Variants in POTEJ observed in about 807,000 individuals in gnomAD.
The protein encoded by POTEJ is POTE ankyrin domain family, member J.
POTEJ carries 11 observed loss-of-function variants against 69.0 expected under a neutral mutation model. The ratio of observed to expected loss-of-function variants is 0.16; its 90% confidence interval spans 0.10 to 0.26. POTEJ has a LOEUF of 0.26. Among genes scored for constraint, POTEJ ranks in the 10% least tolerant of loss-of-function variants. POTEJ has a pLI of 1.00. For synonymous variants in POTEJ, 117 were observed against 381.1 expected (o/e 0.31, Z 8.07); for missense variants, 327 against 1,045.5 (o/e 0.31, Z 9.48).
intron 10 of POTEJ, among the ~76,000 whole-genome samples, chr2:130,639,314 G>T (rs1394385797): frequency 6.6e-6 from 1 of 152,308 alleles, no homozygotes; most frequent in African/African-American, 2.4e-5. Context: ...AAAGAACAGT[G>T]AAGCACAGGT....
At chr2:130,632,797 A>G (rs1202814095) in intron 9 of POTEJ, 141 bp downstream of exon 9, 16 of 1,282,088 alleles carry the variant, frequency 1.2e-5, no homozygotes, top group Non-Finnish European at 1.7e-5. Flanking sequence ...AATGAAAATC[A>G]GCGAACAATG....
intron 13 of POTEJ, among the ~76,000 whole-genome samples, chr2:130,648,798 T>G (rs1433395769): frequency 9.1e-6 from 1 of 110,414 alleles, no homozygotes; most frequent in African/African-American, 4.4e-5. Flanking sequence ...TTTTTTTTTT[T>G]TTTTTTTTTT....
intron 9 of POTEJ, among the ~76,000 whole-genome samples, chr2:130,637,104 C>T (rs1434126004): frequency 6.7e-6 from 1 of 149,412 alleles, no homozygotes; most frequent in East Asian, 1.9e-4. Context: ...ACAAGTTTGA[C>T]ATGGTTCTTT....
chr2:130,647,907 A>G (rs1686648762), intron 13 of POTEJ, among the ~76,000 whole-genome samples: 3 of 145,434 alleles, frequency 2.1e-5, no homozygotes, highest in Non-Finnish European at 3.0e-5. Context: ...CCCTTTGAGA[A>G]AAGGATATAT....
In POTEJ at chr2:130,636,763, C is replaced by A. The variant is rs1686107306; in HGVS notation, c.1299-1856C>A. Reference sequence around the variant, plus strand: ...TGTTAAATAAGTGAATGGAGTTTATCCTGTGTATATTGTTTGATTGATTCT... The same window carrying A: ...TGTTAAATAAGTGAATGGAGTTTATACTGTGTATATTGTTTGATTGATTCT... On this transcript the variant is annotated intron_variant, in intron 9 of 14. Coordinates refer to ENST00000409602, the MANE Select transcript of POTEJ (RefSeq NM_001277083.2). Among the ~76,000 whole-genome samples, 2 of 147,844 alleles carry A rather than the reference C, an allele frequency of 1.4e-5. 1 individual carries two copies. The highest frequency in any genetic ancestry group is 3.0e-5 in the Non-Finnish European group (2 of 65,832).
chr2:130,625,809 T>A (rs1194248628), intron 6 of POTEJ, among the ~76,000 whole-genome samples: 1 of 137,308 alleles, frequency 7.3e-6, no homozygotes, highest in African/African-American at 3.0e-5. Context: ...TATGATATAC[T>A]TTTTAATACT....
rs1451491201 is a variant in POTEJ, at chr2:130,657,274, C to T, written c.2514C>T (p.Thr838=). The T allele has an allele frequency of 1.9e-6, 3 of 1,578,256 alleles. No individual in the cohort carries two copies. The highest frequency in any genetic ancestry group is 2.6e-6 in the Non-Finnish European group (3 of 1,155,654). Residue 838 remains threonine, a synonymous_variant, in exon 15 of 15, where the codon ACC becomes ACT. Transcript: ENST00000409602. ...ATGGGAATGCCCTCCCCCATGCCAC[C>T]CTGCGCCTAGACCTGGCTGGGCGGG... ...IYDGNALPHA[T]LRLDLAGREL...
chr2:130,637,001 C>G (rs1398027296), intron 9 of POTEJ, among the ~76,000 whole-genome samples: 1 of 146,670 alleles, frequency 6.8e-6, no homozygotes, highest in East Asian at 1.9e-4. Flanking sequence ...ATGGCATGAA[C>G]CCGGGAGGCG....
chr2:130,611,670 T>C lies in POTEJ; in HGVS notation c.138T>C (p.Ser46=), dbSNP rs1400654803. The C allele has an allele frequency of 7.6e-7, 1 of 1,313,338 alleles. No individual in the cohort carries two copies. The allele number at this position is 1,313,338 out of a possible 1,614,324, so 81.4% of individuals were successfully genotyped here. ...RGSGKSNVGT[S]GDQDDSTMKT... ...GCGGCAAGAGCAACGTGGGCACTTCTGGAGACCAGGACGACTCCACTATGA... is the reference window on the plus strand; with the variant it reads ...GCGGCAAGAGCAACGTGGGCACTTCCGGAGACCAGGACGACTCCACTATGA... Residue 46 remains serine (S), a synonymous_variant, in exon 1 of 15, where the codon TCT becomes TCC. Coordinates refer to ENST00000409602, the MANE Select transcript of POTEJ (RefSeq NM_001277083.2).
chr2:130,640,986 G>A (rs1423358173), intron 10 of POTEJ, among the ~76,000 whole-genome samples: 1 of 151,834 alleles, frequency 6.6e-6, no homozygotes, highest in African/African-American at 2.4e-5. Context: ...TGTAAAATGG[G>A]TTAGCAGGCT....
intron 6 of POTEJ, among the ~76,000 whole-genome samples, chr2:130,629,134 T>C (rs1573978619): frequency 2.0e-5 from 3 of 151,908 alleles, no homozygotes; most frequent in South Asian, 4.1e-4. Context: ...ATTTTTGAAA[T>C]CATTTGTAAG....
intron 3 of POTEJ, among the ~76,000 whole-genome samples, chr2:130,618,901 G>GT (rs1252618813): frequency 1.3e-4 from 16 of 124,626 alleles, no homozygotes; most frequent in African/African-American, 2.8e-4. Flanking sequence ...TCCAACCTCA[G>GT]TTTTTTTTAT....
intron 9 of POTEJ, among the ~76,000 whole-genome samples, chr2:130,638,045 G>A (rs1292266736): frequency 1.4e-5 from 2 of 148,138 alleles, no homozygotes; most frequent in South Asian, 4.2e-4. Context: ...AGCAAAATTA[G>A]GACTTAATAA....
intron 3 of POTEJ, among the ~76,000 whole-genome samples, chr2:130,617,768 TG>T (rs1286051533): frequency 6.6e-6 from 1 of 151,748 alleles, no homozygotes; most frequent in African/African-American, 2.4e-5. Flanking sequence ...AAGGCCAATT[TG>T]GAAATTAGGT....
At position 130,633,124 on chromosome 2, in the gene POTEJ, G is replaced by A. The variant is rs1355750690; in HGVS notation, c.1298+468G>A. 1.4e-5 allele frequency among the ~76,000 whole-genome samples: 2 copies of A among 143,820 alleles called. 1 individual carries two copies. The highest frequency in any genetic ancestry group is 3.0e-5 in the Non-Finnish European group (2 of 65,832). The allele number at this position is 143,820 out of a possible 152,430, so 94.4% of individuals were successfully genotyped here. ...TTCTCATTATTTAGTTCCCACTAATGAGTAAGAATATGTGGCATTTGATTT... is the reference window on the plus strand; with the variant it reads ...TTCTCATTATTTAGTTCCCACTAATAAGTAAGAATATGTGGCATTTGATTT... On this transcript the variant is annotated intron_variant, in intron 9 of 14. Transcript: ENST00000409602.
chr2:130,626,745 C>G (rs1685722577), intron 6 of POTEJ, among the ~76,000 whole-genome samples: 2 of 152,152 alleles, frequency 1.3e-5, no homozygotes, highest in African/African-American at 4.8e-5. Context: ...GGAGTAGCAT[C>G]AATGTATTAC....
In POTEJ at chr2:130,657,098, G is replaced by A. The variant is rs773477590; in HGVS notation, c.2338G>A (p.Glu780Lys). The change falls in exon 15 of 15, where the codon GAG becomes AAG. Residue 780 changes from glutamate to lysine, a missense_variant. By Grantham distance (56) the Glu-to-Lys change is moderately conservative (BLOSUM62 1). Coordinates refer to ENST00000409602, the MANE Select transcript of POTEJ (RefSeq NM_001277083.2). Reference sequence around the variant, plus strand: ...CCCCCTGAACCCCAAGGCCAACCGCGAGAAGATGACCCAGATCATGTTTGA... The same window carrying A: ...CCCCCTGAACCCCAAGGCCAACCGCAAGAAGATGACCCAGATCATGTTTGA... ...EAPLNPKANREKMTQIMFETF... is the reference protein window; with the variant it reads ...EAPLNPKANRKKMTQIMFETF... The A allele has an allele frequency of 3.0e-5, 47 of 1,577,060 alleles. 3 individuals are homozygous for A. The highest frequency in any genetic ancestry group is 1.6e-4 in the East Asian group (7 of 44,858).
chr2:130,626,360 A>G (rs1278616993), intron 6 of POTEJ, among the ~76,000 whole-genome samples: 1 of 152,064 alleles, frequency 6.6e-6, no homozygotes, highest in East Asian at 1.9e-4. Context: ...GGCTCATTGG[A>G]GAAATTTGAG....
chr2:130,625,515 A>G (rs1386561674), intron 6 of POTEJ, among the ~76,000 whole-genome samples: 162 of 150,992 alleles, frequency 1.1e-3, no homozygotes, highest in African/African-American at 3.6e-3. Flanking sequence ...AAAGTTTTGG[A>G]AAAAAGTAGG....
Sources: allele counts gnomAD v4.1 joint callset (sites outside exome capture counted in the v4.1 genomes callset), GRCh38; gene constraint gnomAD v4.1.1; transcripts MANE v1.5; gene names NCBI Gene and HGNC (gene_info 2026-07-23, HGNC 2026-07-21).